Variants in GLI2 observed in about 807,000 individuals in gnomAD.
GLI2 encodes the protein transcription activator GLI2.
Under a neutral mutation model 78.9 loss-of-function variants are expected in GLI2, and 22 were observed. The ratio of observed to expected loss-of-function variants is 0.28; its 90% CI spans 0.20 to 0.40. The LOEUF (loss-of-function observed/expected upper bound fraction) is 0.40, where lower values mean the gene tolerates loss of function less well. GLI2 is among the 10% of genes least tolerant of loss of function. The pLI is 1.00. For synonymous variants in GLI2, 974 were observed against 963.7 expected (o/e 1.01, Z -0.20); for missense variants, 2,097 against 2,213.2 (o/e 0.95, Z 1.05).
chr2:120,911,903 G>A (rs1678841161), intron 2 of GLI2, among the ~76,000 whole-genome samples: 2 of 152,090 alleles, frequency 1.3e-5, no homozygotes, highest in Admixed American at 1.3e-4. Context: ...TTTGACCCTG[G>A]GGCTGGGAGA....
rs947672741 is a variant in GLI2 at position 120,791,784 on chromosome 2, T to C, written c.-30-5507T>C. On this transcript the variant is annotated intron_variant, in intron 1 of 13. Coordinates refer to ENST00000361492, the MANE Select transcript of GLI2 (RefSeq NM_001374353.1). ...ATGCAGGTGACCATGTGTGACTTTATATATGTGTGTGCCCATGCACACGTC... is the reference window on the plus strand; with the variant it reads ...ATGCAGGTGACCATGTGTGACTTTACATATGTGTGTGCCCATGCACACGTC... Among the ~76,000 whole-genome samples the C allele has an allele frequency of 2.0e-5, 3 of 152,112 alleles. No individual in the cohort carries two copies. The East Asian group carries it at 5.8e-4, about 29-fold the overall frequency.
chr2:120,827,974 C>G (rs184217171), intron 2 of GLI2, among the ~76,000 whole-genome samples: 5 of 152,314 alleles, frequency 3.3e-5, no homozygotes, highest in Non-Finnish European at 5.9e-5. Flanking sequence ...GGTTGCGGAA[C>G]AACGTGAATG....
At chr2:120,911,889 G>C (rs917758994) in intron 2 of GLI2, among the ~76,000 whole-genome samples, 57 of 152,108 alleles carry the variant, frequency 3.7e-4, no homozygotes, top group African/African-American at 1.3e-3. Context: ...CTGCAAGGCT[G>C]TCATTTGACC....
intron 3 of GLI2, among the ~76,000 whole-genome samples, chr2:120,948,898 A>G (rs948428159): frequency 2.6e-5 from 4 of 152,094 alleles, no homozygotes; most frequent in Non-Finnish European, 4.4e-5. Context: ...GTGTCTGGGG[A>G]GGACCGAGAA....
At chr2:120,768,256 CTA>C (rs1263331714) in intron 1 of GLI2, among the ~76,000 whole-genome samples, 1 of 152,204 alleles carries the variant, frequency 6.6e-6, no homozygotes, top group Non-Finnish European at 1.5e-5. Context: ...CACAGCTGCC[CTA>C]TGCGGTGGGC....
chr2:120,967,667 C>A (rs926672511), intron 5 of GLI2, among the ~76,000 whole-genome samples: 2 of 152,250 alleles, frequency 1.3e-5, no homozygotes, highest in Non-Finnish European at 2.9e-5. Flanking sequence ...TGCATGTGTA[C>A]ACATGTCTGC....
At chr2:120,783,575 C>A (rs1683909674) in intron 1 of GLI2, among the ~76,000 whole-genome samples, 1 of 152,036 alleles carries the variant, frequency 6.6e-6, no homozygotes, top group African/African-American at 2.4e-5. Context: ...CAGCACACGG[C>A]AAAGGCACTT....
chr2:120,739,028 AGG>A (rs1463529738), intron 1 of GLI2, among the ~76,000 whole-genome samples: 2 of 152,062 alleles, frequency 1.3e-5, no homozygotes, highest in African/African-American at 4.8e-5. Flanking sequence ...TGGTCAGAAG[AGG>A]GGGCCGCAGG....
Position 120,861,742 on chromosome 2 carries a change from C to T in GLI2, c.148+64274C>T, listed in dbSNP as rs573977450. Among the ~76,000 whole-genome samples, 11 of 152,230 alleles carry T rather than the reference C, an allele frequency of 7.2e-5. 1 individual carries two copies. The South Asian group carries it at 1.0e-3, about 14-fold the overall frequency. Reference sequence around the variant, plus strand: ...ACAGACGAAAAAGGCATTAACCTGCCGGTCCTGAGGCTGTCCACCGCAGAA... The same window carrying T: ...ACAGACGAAAAAGGCATTAACCTGCTGGTCCTGAGGCTGTCCACCGCAGAA... On this transcript the variant is annotated intron_variant, in intron 2 of 13. Coordinates refer to ENST00000361492, the MANE Select transcript of GLI2 (RefSeq NM_001374353.1).
chr2:120,793,709 C>T (rs572688158), intron 1 of GLI2, among the ~76,000 whole-genome samples: 4 of 152,358 alleles, frequency 2.6e-5, no homozygotes, highest in Non-Finnish European at 5.9e-5. Context: ...CACGAAACCT[C>T]AGGTGCATCT....
At chr2:120,857,353 CTACCTATCTGCCCACT>C (rs1236656176) in intron 2 of GLI2, among the ~76,000 whole-genome samples, 22 of 141,328 alleles carry the variant, frequency 1.6e-4, no homozygotes, top group East Asian at 4.3e-4. Flanking sequence ...GCCCACCCAC[CTACCTATCTGCCCACT>C]CACCTACCTA....
intron 1 of GLI2, among the ~76,000 whole-genome samples, chr2:120,785,154 G>A (rs1361786171): frequency 6.6e-6 from 1 of 152,292 alleles, no homozygotes; most frequent in South Asian, 2.1e-4. Flanking sequence ...CTGCGATGAG[G>A]TGGCTGCCAG....
At chr2:120,829,444 C>CCCCA (rs1017183733) in intron 2 of GLI2, among the ~76,000 whole-genome samples, 17 of 152,108 alleles carry the variant, frequency 1.1e-4, no homozygotes, top group African/African-American at 4.1e-4. Flanking sequence ...TAGGGCTGAG[C>CCCCA]CCCAGCCCAG....
In GLI2 at chr2:120,986,368, A is replaced by G. The variant is rs1409163041; in HGVS notation, c.1996A>G (p.Met666Val). The change falls in exon 13 of 14, where the codon ATG (methionine) becomes GTG (valine). Residue 666 changes from methionine to valine, a missense_variant. Around this residue, in one of 5 missense-constraint regions of GLI2, gnomAD observed 68 missense variants for 104.4 expected, o/e 0.65. Transcript: ENST00000361492. ...SAPNNDSGVE[M>V]PGTGPGSLGD... ...CCCCAACAATGACAGTGGCGTGGAG[A>G]TGCCGGGGACGGGGCCCGGGAGCCT... is the stretch of plus-strand genomic sequence containing the variant. The G allele has an allele frequency of 6.2e-7, 1 of 1,613,462 alleles. No individual in the cohort carries two copies. Among genetic ancestry groups the G allele is most frequent in the Non-Finnish European group, 8.5e-7 (1 of 1,179,960 alleles).
At chr2:120,986,256 C>G in intron 12 of GLI2, 22 bp from the exon 13 acceptor site, 6 of 1,607,496 alleles carry the variant, frequency 3.7e-6, no homozygotes, top group Non-Finnish European at 5.1e-6. Context: ...GAGTCTGAGC[C>G]TTCTTGCCTC....
intron 3 of GLI2, among the ~76,000 whole-genome samples, chr2:120,940,463 TTA>T (rs1256528237): frequency 6.6e-6 from 1 of 152,166 alleles, no homozygotes; most frequent in Admixed American, 6.5e-5. Context: ...TTCCATTCTC[TTA>T]TAAGAGTCTG....
chr2:120,949,364 G>A (rs1338628127), intron 3 of GLI2, among the ~76,000 whole-genome samples: 1 of 152,252 alleles, frequency 6.6e-6, no homozygotes, highest in African/African-American at 2.4e-5. Context: ...ACACAGACAT[G>A]TGGCTGTCAC....
At position 120,752,458 on chromosome 2, in the gene GLI2, A is replaced by C. The variant is rs547229116; in HGVS notation, c.-31+16173A>C. ...CTAACTTTTTGTATTTTTAGTAGAG[A>C]TGGGCTTTCACCATGTTAGCCAGGA... On this transcript the variant is annotated intron_variant, in intron 1 of 13. Coordinates refer to ENST00000361492, the MANE Select transcript of GLI2 (RefSeq NM_001374353.1). Among the ~76,000 whole-genome samples the C allele has an allele frequency of 1.7e-3, 259 of 152,122 alleles. 3 individuals carry two copies. The highest frequency in any genetic ancestry group is 6.1e-3 in the African/African-American group (253 of 41,498).
intron 2 of GLI2, among the ~76,000 whole-genome samples, chr2:120,849,024 A>C (rs961028031): frequency 6.6e-6 from 1 of 152,246 alleles, no homozygotes; most frequent in African/African-American, 2.4e-5. Flanking sequence ...AGATTCTGAC[A>C]CATGCTGCAA....
Sources: allele counts gnomAD v4.1 joint callset (sites outside exome capture counted in the v4.1 genomes callset), GRCh38; gene constraint gnomAD v4.1.1; regional missense constraint gnomAD v4.1.1; transcripts MANE v1.5; gene names NCBI Gene and HGNC (gene_info 2026-07-23, HGNC 2026-07-21).